Variants in GABRB1 observed in about 807,000 individuals in gnomAD.
The protein encoded by GABRB1 is gamma-aminobutyric acid receptor subunit beta-1.
In GABRB1, 17 loss-of-function variants were observed where a neutral mutation model predicts 51.6. The observed-to-expected ratio is 0.33, with a 90% confidence interval of 0.23 to 0.49. The LOEUF is 0.49. GABRB1 is among the 20% of genes least tolerant of loss of function. The pLI is 0.99. For synonymous variants in GABRB1, 247 were observed against 218.9 expected, an observed-to-expected ratio of 1.13 and a Z score of -1.14; for missense variants, 410 against 600.6, an observed-to-expected ratio of 0.68 and a Z score of 3.32.
intron 5 of GABRB1, among the ~76,000 whole-genome samples, chr4:47,396,488 T>A (rs1265648164): frequency 6.6e-6 from 1 of 152,230 alleles, no homozygotes; most frequent in Non-Finnish European, 1.5e-5. Flanking sequence ...TAATCCTGTA[T>A]GCACATTCTT....
chr4:47,037,002 T>TTGATGA (rs545187127), intron 3 of GABRB1, among the ~76,000 whole-genome samples: 2 of 152,068 alleles, frequency 1.3e-5, no homozygotes, highest in Non-Finnish European at 2.9e-5. Flanking sequence ...AATGCCATAA[T>TTGATGA]TGATGATGAT....
At chr4:47,352,053 A>G (rs1480836365) in intron 5 of GABRB1, among the ~76,000 whole-genome samples, 1 of 152,002 alleles carries the variant, frequency 6.6e-6, no homozygotes, top group Non-Finnish European at 1.5e-5. Flanking sequence ...CTATTTCTCC[A>G]CATCCTCTCC....
chr4:46,998,470 C>T (rs190833984), intron 1 of GABRB1, among the ~76,000 whole-genome samples: 4 of 152,124 alleles, frequency 2.6e-5, no homozygotes, highest in Admixed American at 2.6e-4. Flanking sequence ...TGGTAGCTCA[C>T]GTGTGTAATC....
At chr4:47,188,821 G>A (rs1719303285) in intron 4 of GABRB1, among the ~76,000 whole-genome samples, 1 of 151,830 alleles carries the variant, frequency 6.6e-6, no homozygotes, top group Non-Finnish European at 1.5e-5. Flanking sequence ...TGACTTCCTG[G>A]CTTATGTAAG....
intron 3 of GABRB1, among the ~76,000 whole-genome samples, chr4:47,137,791 T>C (rs1193474862): frequency 6.6e-5 from 10 of 152,170 alleles, no homozygotes; most frequent in Admixed American, 6.6e-4. Flanking sequence ...GACCACATAG[T>C]AATACAAATC....
intron 4 of GABRB1, among the ~76,000 whole-genome samples, chr4:47,167,594 A>G (rs1013522342): frequency 2.6e-5 from 4 of 152,086 alleles, no homozygotes; most frequent in Non-Finnish European, 5.9e-5. Context: ...CTGTGGTTTG[A>G]ATGTTTGTTT....
intron 5 of GABRB1, among the ~76,000 whole-genome samples, chr4:47,373,295 G>A (rs11733050): frequency 0.26 from 40,193 of 152,066 alleles, 5,402 homozygotes; most frequent in African/African-American, 0.31. Flanking sequence ...GGGTGAGAAT[G>A]GTGGTTGAAA....
At chr4:47,309,301 T>C (rs1250593461) in intron 4 of GABRB1, among the ~76,000 whole-genome samples, 1 of 152,038 alleles carries the variant, frequency 6.6e-6, no homozygotes, top group Non-Finnish European at 1.5e-5. Context: ...CTCTGATTTA[T>C]GGACTGCTTT....
At chr4:47,413,909 C>T (rs948967238) in intron 8 of GABRB1, among the ~76,000 whole-genome samples, 1 of 152,186 alleles carries the variant, frequency 6.6e-6, no homozygotes, top group Non-Finnish European at 1.5e-5. Context: ...GCCCCTCAGG[C>T]ATCATTTGAA....
intron 4 of GABRB1, among the ~76,000 whole-genome samples, chr4:47,226,773 G>C (rs1402716425): frequency 6.6e-6 from 1 of 152,066 alleles, no homozygotes; most frequent in Non-Finnish European, 1.5e-5. Flanking sequence ...ACATAGATGT[G>C]AGCTAAATAA....
intron 4 of GABRB1, among the ~76,000 whole-genome samples, chr4:47,181,281 TC>T (rs1487795322): frequency 6.6e-6 from 1 of 152,068 alleles, no homozygotes; most frequent in Non-Finnish European, 1.5e-5. Flanking sequence ...AGTTCAGGCT[TC>T]AGTTATATCC....
intron 4 of GABRB1, among the ~76,000 whole-genome samples, chr4:47,313,813 C>T (rs1239969115): frequency 6.6e-6 from 1 of 152,062 alleles, no homozygotes; most frequent in African/African-American, 2.4e-5. Context: ...TAATTCCTCC[C>T]TTCTCAGAGA....
intron 3 of GABRB1, among the ~76,000 whole-genome samples, chr4:47,120,128 T>A (rs953338854): frequency 4.6e-5 from 7 of 152,092 alleles, no homozygotes; most frequent in African/African-American, 1.7e-4. Flanking sequence ...AAAAAGTTAA[T>A]TATATAATTA....
intron 5 of GABRB1, among the ~76,000 whole-genome samples, chr4:47,335,889 A>T (rs1404303270): frequency 6.6e-6 from 1 of 152,166 alleles, no homozygotes; most frequent in Non-Finnish European, 1.5e-5. Context: ...ATGTATTTGG[A>T]GGCATGAATA....
intron 4 of GABRB1, among the ~76,000 whole-genome samples, chr4:47,225,891 T>C (rs979746489): frequency 1.3e-5 from 2 of 152,136 alleles, no homozygotes; most frequent in African/African-American, 4.8e-5. Context: ...TGAATATTGA[T>C]CATCCAAAAA....
At chr4:47,198,187 A>G (rs984109576) in intron 4 of GABRB1, among the ~76,000 whole-genome samples, 1 of 152,178 alleles carries the variant, frequency 6.6e-6, no homozygotes, top group African/African-American at 2.4e-5. Context: ...GTGAATCTCT[A>G]TATTGGGGAC....
At chr4:47,403,776 G>T in intron 7 of GABRB1, 65 bp downstream of exon 7, 1 of 1,522,074 alleles carries the variant, frequency 6.6e-7, no homozygotes. Flanking sequence ...ACCAATATCA[G>T]GAATTATAGG....
intron 5 of GABRB1, among the ~76,000 whole-genome samples, chr4:47,348,275 T>C (rs1726178356): frequency 6.6e-6 from 1 of 152,192 alleles, no homozygotes; most frequent in South Asian, 2.1e-4. Flanking sequence ...TTCTACTAAG[T>C]ACTTAGGTGT....
At chr4:47,396,137 C>T (rs6846722) in intron 5 of GABRB1, among the ~76,000 whole-genome samples, 1 of 151,908 alleles carries the variant, frequency 6.6e-6, no homozygotes, top group Admixed American at 6.6e-5. Flanking sequence ...ACAGTTCCAC[C>T]TGGCCAGGAA....
Sources: gnomAD v4.1 joint callset for allele counts (sites outside exome capture counted in the v4.1 genomes callset) on GRCh38, gnomAD v4.1.1 for gene constraint, MANE v1.5 for transcripts, NCBI Gene and HGNC (gene_info 2026-07-23, HGNC 2026-07-21) for gene names.